Variants in OAS3 observed in about 807,000 individuals in gnomAD.
OAS3 encodes the protein 2'-5'-oligoadenylate synthase 3.
OAS3 carries 107 observed loss-of-function variants against 113.0 expected under a neutral mutation model. The observed-to-expected ratio is 0.95, with a 90% CI of 0.81 to 1.11. The LOEUF (loss-of-function observed/expected upper bound fraction) is 1.11, where lower values mean the gene tolerates loss of function less well. Ranked by LOEUF, OAS3 falls within the 50% of genes most tolerant of loss-of-function variation. The pLI, the probability that OAS3 is intolerant of heterozygous loss-of-function variation, is 0.00. For missense variants in OAS3, 1,258 were observed against 1,389.1 expected (o/e 0.91, Z 1.50); for synonymous variants, 552 against 573.6 (o/e 0.96, Z 0.54).
chr12:112,951,587 G>T (rs891854511), intron 7 of OAS3, among the ~76,000 whole-genome samples: 30 of 151,992 alleles, frequency 2.0e-4, no homozygotes, highest in Admixed American at 2.6e-4. Context: ...AGATTTGTTT[G>T]CTTTCGGCAT....
Position 112,968,089 on chromosome 12 carries a change from C to T in OAS3, c.3019C>T (p.Gln1007Ter). The T allele has an allele frequency of 4.3e-6, 7 of 1,613,968 alleles. No homozygotes were observed. The highest frequency in any genetic ancestry group is 5.9e-6 in the Non-Finnish European group (7 of 1,179,876). The change falls in exon 14 of 16, where the codon CAG becomes TAG. Residue 1007 changes from glutamine (Q) to a stop codon, truncating the protein, a stop_gained. Coordinates refer to ENST00000228928, the MANE Select transcript of OAS3 (RefSeq NM_006187.4). LOFTEE classifies it high-confidence loss of function. ...TVLELVTQYR[Q>*]LCIYWTINYN... is the part of the protein sequence containing the mutation. The stretch of plus-strand genomic sequence containing the variant: ...CCTGGAGCTGGTCACCCAGTACCGC[C>T]AGCTCTGTATCTACTGGACCATCAA...
chr12:112,969,146 C>T (rs1300269981), intron 14 of OAS3, among the ~76,000 whole-genome samples: 1 of 152,112 alleles, frequency 6.6e-6, no homozygotes, highest in Non-Finnish European at 1.5e-5. Context: ...AAAATATGCT[C>T]AAGGAAAATG....
chr12:112,961,276 CCA>C (rs2043882888), intron 8 of OAS3, 30 bp downstream of exon 8: 1 of 1,603,178 alleles, frequency 6.2e-7, no homozygotes, highest in Non-Finnish European at 8.5e-7. Flanking sequence ...TCCCAGGAAG[CCA>C]CCACTGTCAT....
rs746380435 is a variant in OAS3 at position 112,963,473 on chromosome 12, C to T, written c.2229+16C>T. 249 of 1,517,658 alleles carry T rather than the reference C, an allele frequency of 1.6e-4. No individual in the cohort carries two copies. The highest frequency in any genetic ancestry group is 1.1e-3 in the South Asian group (88 of 80,550). 94.0% of individuals were successfully genotyped at this position (1,517,658 alleles called of 1,614,324 possible). On this transcript the variant is annotated intron_variant, in intron 10 of 15. Transcript: ENST00000228928. This position sits in a 1 kb window ranked among gnomAD's most constrained non-coding sequence, Gnocchi z 4.6. Reference sequence around the variant, plus strand: ...GGATGTGATGGTAAGATGGAGGGTCCTGGGGGGCAGGGGGCCCTGCACCCT... The same window carrying T: ...GGATGTGATGGTAAGATGGAGGGTCTTGGGGGGCAGGGGGCCCTGCACCCT...
Position 112,947,028 on chromosome 12 carries a change from G to A in OAS3, c.875+47G>A. The stretch of plus-strand genomic sequence containing the variant: ...TCTGCTCTCCTGTCCCGGGGCCAGG[G>A]GGAGATAATTGACAAGGACAAAACC... On this transcript the variant is annotated intron_variant, in intron 4 of 15. Coordinates refer to ENST00000228928, the MANE Select transcript of OAS3 (RefSeq NM_006187.4). 2.6e-6 allele frequency: 4 copies of A among 1,517,966 alleles called. No individual in the cohort carries two copies. The South Asian group carries it at 4.6e-5, about 17-fold the overall frequency. The allele number at this position is 1,517,966 out of a possible 1,614,324, so 94.0% of individuals were successfully genotyped here. A position where few individuals can be genotyped will look rare whatever the true frequency, so the allele number is the denominator to read the frequency against.
intron 12 of OAS3, 60 bp downstream of exon 12, chr12:112,966,089 A>C (rs1175873727): frequency 6.4e-7 from 1 of 1,570,298 alleles, no homozygotes; most frequent in African/African-American, 1.3e-5. Flanking sequence ...CGCCATGGGC[A>C]GTTGTAGAGG....
In OAS3 at chr12:112,948,926, C is replaced by A; in HGVS notation, c.1095C>A (p.Thr365=). ...HPIQLDPNQK[T]PENSKSLNAV... ...TCCAGCTAGACCCTAACCAGAAGACCCCTGAAAACAGCAAGAGCCTCAATG... is the reference window on the plus strand; with the variant it reads ...TCCAGCTAGACCCTAACCAGAAGACACCTGAAAACAGCAAGAGCCTCAATG... The change falls in exon 6 of 16, where the codon ACC becomes ACA. Residue 365 remains threonine, a synonymous_variant. Coordinates refer to ENST00000228928, the MANE Select transcript of OAS3 (RefSeq NM_006187.4). The A allele has an allele frequency of 6.2e-7, 1 of 1,610,906 alleles. No individual in the cohort carries two copies. The highest frequency in any genetic ancestry group is 8.5e-7 in the Non-Finnish European group (1 of 1,178,674).
At chr12:112,966,109 A>G (rs1475101932) in intron 12 of OAS3, 80 bp downstream of exon 12, 2 of 1,426,174 alleles carry the variant, frequency 1.4e-6, no homozygotes, top group Admixed American at 3.6e-5. Context: ...GTTGCACAGT[A>G]CACAACCAGG....
In OAS3 at chr12:112,965,888, T is replaced by C; in HGVS notation, c.2548T>C (p.Cys850Arg). ...CGAGATCCGAGCCCAGCTGGAGGCA[T>C]GTCAACAGGAGCGGCAGTTCGAGGT... ...ISEIRAQLEACQQERQFEVKF... is the reference protein window; with the variant it reads ...ISEIRAQLEARQQERQFEVKF... Residue 850 changes from cysteine (C) to arginine (R), a missense_variant, in exon 12 of 16, where the codon TGT (cysteine) becomes CGT (arginine). Physicochemically the swap from Cys to Arg is radical, Grantham distance 180. Coordinates refer to ENST00000228928, the MANE Select transcript of OAS3 (RefSeq NM_006187.4). 1.2e-6 allele frequency: 2 copies of C among 1,613,708 alleles called. No homozygotes were observed. The highest frequency in any genetic ancestry group is 1.7e-6 in the Non-Finnish European group (2 of 1,179,780).
rs1426643990 is a variant in OAS3 at position 112,972,576 on chromosome 12, A to G, written c.*2603A>G. 1.3e-5 allele frequency: 2 copies of G among 152,246 alleles called. No homozygotes were observed. The highest frequency in any genetic ancestry group is 1.3e-4 in the Admixed American group (2 of 15,282). The allele number at this position is 152,246 out of a possible 1,614,324, so 9.4% of individuals were successfully genotyped here. ...AATAGCTAGGAAAACACAGGGAAAG[A>G]AGAGTTCTGAGCAGGGCCTAGTCTT... On this transcript the variant is annotated 3_prime_UTR_variant, in exon 16 of 16. Transcript: ENST00000228928.
At position 112,950,820 on chromosome 12, in the gene OAS3, G is replaced by C. The variant is rs746297884; in HGVS notation, c.1502G>C (p.Arg501Pro). 1.2e-6 allele frequency: 2 copies of C among 1,614,030 alleles called. No individual in the cohort carries two copies. The highest frequency in any genetic ancestry group is 2.2e-5 in the South Asian group (2 of 91,088). The change falls in exon 7 of 16, where the codon CGA (arginine) becomes CCA (proline). Residue 501 changes from arginine to proline, a missense_variant. By Grantham distance (103) the Arg-to-Pro change is moderately radical (BLOSUM62 -2). Coordinates refer to ENST00000228928, the MANE Select transcript of OAS3 (RefSeq NM_006187.4). The stretch of plus-strand genomic sequence containing the variant: ...CGCGCAGAGATCCTTGATGAGATGC[G>C]AGCGCAGCTAGAATCCTGGTGGCAG... ...PRRAEILDEMRAQLESWWQDQ... is the reference protein window; with the variant it reads ...PRRAEILDEMPAQLESWWQDQ...
chr12:112,948,950 T>C lies in OAS3; in HGVS notation c.1119T>C (p.Asn373=), dbSNP rs772763957. The C allele has an allele frequency of 1.2e-6, 2 of 1,613,418 alleles. No homozygotes were observed. Among genetic ancestry groups the C allele is most frequent in the Non-Finnish European group, 1.7e-6 (2 of 1,179,706 alleles). ...CCCCTGAAAACAGCAAGAGCCTCAA[T>C]GCTGTGTACCCAAGAGCAGGGAGCA... The part of the protein sequence containing the change: ...QKTPENSKSL[N]AVYPRAGSKP... Residue 373 remains asparagine, a synonymous_variant, in exon 6 of 16, where the codon AAT becomes AAC. Transcript: ENST00000228928.
chr12:112,955,471 C>T (rs188963663), intron 7 of OAS3, among the ~76,000 whole-genome samples: 1 of 152,314 alleles, frequency 6.6e-6, no homozygotes, highest in African/African-American at 2.4e-5. Context: ...TCATAAATAA[C>T]TCATTATTTT....
chr12:112,938,746 G>A, intron 1 of OAS3, 39 bp downstream of exon 1: 1 of 442,572 alleles, frequency 2.3e-6, no homozygotes, highest in Non-Finnish European at 3.1e-6. Flanking sequence ...GTCCAAAGGG[G>A]AGTCCTGGGA....
rs914131259 is a variant in OAS3 at position 112,963,705 on chromosome 12, A to G, written c.2229+248A>G. Among the ~76,000 whole-genome samples the G allele has an allele frequency of 1.2e-4, 18 of 152,166 alleles. No homozygotes were observed. The highest frequency in any genetic ancestry group is 4.3e-4 in the African/African-American group (18 of 41,514). The stretch of plus-strand genomic sequence containing the variant: ...CAGGCGGAACCGATTCTGTGATGCA[A>G]CTCACGTTCCAGCGCTCCCTGTGGA... On this transcript the variant is annotated intron_variant, in intron 10 of 15. Transcript: ENST00000228928. This position sits in a 1 kb window ranked among gnomAD's most constrained non-coding sequence, Gnocchi z 4.6.
chr12:112,944,647 A>G lies in OAS3; in HGVS notation c.632A>G (p.His211Arg). Reference protein sequence around the residue: ...NLILLVKHWYHQVCLQGLWKE... With the variant: ...NLILLVKHWYRQVCLQGLWKE... ...ATCTTGCTGGTGAAGCACTGGTACC[A>G]CCAGGTGAAGCCACTTGGAAGGGTT... Residue 211 changes from histidine to arginine, a missense_variant, in exon 3 of 16, where the codon CAC becomes CGC. Transcript: ENST00000228928. The G allele has an allele frequency of 2.5e-6, 4 of 1,613,948 alleles. No homozygotes were observed. Among genetic ancestry groups the G allele is most frequent in the Non-Finnish European group, 3.4e-6 (4 of 1,179,890 alleles).
At chr12:112,958,108 T>C (rs1403518194) in intron 7 of OAS3, among the ~76,000 whole-genome samples, 1 of 152,254 alleles carries the variant, frequency 6.6e-6, no homozygotes, top group South Asian at 2.1e-4. Context: ...ACTGATACCC[T>C]TTCTTCCACT....
intron 5 of OAS3, 21 bp downstream of exon 5, chr12:112,948,120 A>G (rs772459473): frequency 1.3e-6 from 2 of 1,493,726 alleles, no homozygotes; most frequent in East Asian, 5.0e-5. Context: ...GGGCCCCAGG[A>G]CCCTTGGGTT....
intron 14 of OAS3, among the ~76,000 whole-genome samples, chr12:112,968,529 G>GTTGT (rs777594166): frequency 2.0e-5 from 3 of 152,026 alleles, no homozygotes; most frequent in African/African-American, 7.3e-5. Context: ...TGTTGTTGTT[G>GTTGT]TTGTTTGTTT....
Sources: gnomAD v4.1 joint callset for allele counts (sites outside exome capture counted in the v4.1 genomes callset) on GRCh38, gnomAD v4.1.1 for gene constraint, Gnocchi (gnomAD v3.1) non-coding constraint, MANE v1.5 for transcripts, NCBI Gene and HGNC (gene_info 2026-07-23, HGNC 2026-07-21) for gene names.